Variants in WAC observed in about 807,000 individuals in gnomAD.
WAC encodes WW domain-containing adapter protein with coiled-coil.
A neutral mutation model predicts 79.6 loss-of-function variants in WAC; 11 were observed. The observed-to-expected ratio is 0.14, with a 90% CI of 0.09 to 0.23. WAC has a LOEUF of 0.23. Among genes scored for constraint, WAC ranks in the 10% least tolerant of loss-of-function variants. WAC has a pLI of 1.00. For synonymous variants in WAC, 304 were observed against 276.9 expected (o/e 1.10, Z -0.97); for missense variants, 728 against 773.5 (o/e 0.94, Z 0.70).
intron 7 of WAC, among the ~76,000 whole-genome samples, chr10:28,601,954 CG>C (rs1235108123): frequency 6.6e-6 from 1 of 152,000 alleles, no homozygotes; most frequent in African/African-American, 2.4e-5. Context: ...GTTCTGGAGA[CG>C]TATAGTGGTG....
chr10:28,596,086 A>C (rs570291496), intron 7 of WAC, 45 bp downstream of exon 7: 1 of 1,544,344 alleles, frequency 6.5e-7, no homozygotes, highest in Admixed American at 2.0e-5. Context: ...TATAGTTTCT[A>C]AGTTTCTTCT....
At chr10:28,583,555 A>T in intron 4 of WAC, 50 bp downstream of exon 4, 1 of 1,183,564 alleles carries the variant, frequency 8.4e-7, no homozygotes, top group Non-Finnish European at 1.2e-6. Flanking sequence ...TTTTTTGCAA[A>T]AAAAAAAAAA....
intron 7 of WAC, among the ~76,000 whole-genome samples, chr10:28,606,387 T>C (rs977563849): frequency 6.6e-6 from 1 of 152,228 alleles, no homozygotes; most frequent in South Asian, 2.1e-4. Context: ...TGAGTTTCTT[T>C]ATGCTTGTCT....
chr10:28,608,097 G>A, intron 7 of WAC, 89 bp from the exon 8 acceptor site: 1 of 1,469,856 alleles, frequency 6.8e-7, no homozygotes, highest in South Asian at 1.2e-5. Flanking sequence ...CTTACGTTAG[G>A]TGCCTGGCAC....
At chr10:28,607,839 C>T (rs1841034573) in intron 7 of WAC, among the ~76,000 whole-genome samples, 1 of 152,166 alleles carries the variant, frequency 6.6e-6, no homozygotes, top group African/African-American at 2.4e-5. Context: ...CTAATGGAAG[C>T]TTATTTGAAT....
intron 7 of WAC, among the ~76,000 whole-genome samples, chr10:28,600,371 C>G (rs917505440): frequency 2.0e-5 from 3 of 152,008 alleles, no homozygotes; most frequent in Non-Finnish European, 4.4e-5. Context: ...TCAAAAACTT[C>G]AGTATGTGTT....
rs1841460217 is a variant in WAC at position 28,616,213 on chromosome 10, A to G, written c.1597A>G (p.Asn533Asp). Residue 533 changes from asparagine to aspartate, a missense_variant, in exon 12 of 14, where the codon AAT (asparagine) becomes GAT (aspartate). By Grantham distance (23) the Asn-to-Asp change is conservative. Coordinates refer to ENST00000354911, the MANE Select transcript of WAC (RefSeq NM_016628.5). ...SPSPGPNHTS[N>D]SSNASNATVV... ...ATCACCTGGTCCCAATCATACTTCT[A>G]ATAGTAGTAATGCATCAAATGCAAC... 1.2e-6 allele frequency: 2 copies of G among 1,612,446 alleles called. No homozygotes were observed. Among genetic ancestry groups the G allele is most frequent in the Non-Finnish European group, 8.5e-7 (1 of 1,179,176 alleles).
intron 3 of WAC, among the ~76,000 whole-genome samples, chr10:28,559,164 G>GTGTGTGTT (rs1838168321): frequency 6.7e-6 from 1 of 149,588 alleles, no homozygotes; most frequent in Non-Finnish European, 1.5e-5. Context: ...GTGTGTGTGT[G>GTGTGTGTT]TAAGTCTGAT....
chr10:28,622,554 C>T lies in WAC; in HGVS notation c.*2948C>T, dbSNP rs1048835032. 1 of 151,752 alleles carries T rather than the reference C, an allele frequency of 6.6e-6. No individual in the cohort carries two copies. The highest frequency in any genetic ancestry group is 1.5e-5 in the Non-Finnish European group (1 of 67,950). The allele number at this position is 151,752 out of a possible 1,614,324, so 9.4% of individuals were successfully genotyped here. A position where few individuals can be genotyped will look rare whatever the true frequency, so the allele number is the denominator to read the frequency against. ...CTCCCCTGAAGAACCAGCTTTCCTA[C>T]GCTTTTTATTTTTCTAACTTGTCTA... is the stretch of plus-strand genomic sequence containing the variant. On this transcript the variant is annotated 3_prime_UTR_variant, in exon 14 of 14. Transcript: ENST00000354911.
chr10:28,613,673 G>T (rs551735662), intron 10 of WAC, among the ~76,000 whole-genome samples: 1 of 152,258 alleles, frequency 6.6e-6, no homozygotes, highest in East Asian at 1.9e-4. Context: ...AGTTAAGCAG[G>T]ACATTCCAGA....
intron 4 of WAC, among the ~76,000 whole-genome samples, chr10:28,588,452 G>A (rs577396304): frequency 6.6e-6 from 1 of 152,200 alleles, no homozygotes; most frequent in South Asian, 2.1e-4. Context: ...TTCCAGACTC[G>A]GTGTTAATTT....
chr10:28,581,471 G>C (rs980470048), intron 3 of WAC, among the ~76,000 whole-genome samples: 1 of 152,020 alleles, frequency 6.6e-6, no homozygotes, highest in Non-Finnish European at 1.5e-5. Context: ...TCAAGGGCCA[G>C]CTGTGCCAGA....
chr10:28,577,868 C>T (rs1839325406), intron 3 of WAC, among the ~76,000 whole-genome samples: 1 of 152,146 alleles, frequency 6.6e-6, no homozygotes, highest in African/African-American at 2.4e-5. Context: ...ATTAAAAATT[C>T]AGGTATTAAG....
At chr10:28,602,181 G>A (rs1288555207) in intron 7 of WAC, among the ~76,000 whole-genome samples, 7 of 152,190 alleles carry the variant, frequency 4.6e-5, no homozygotes, top group African/African-American at 1.4e-4. Flanking sequence ...CAGTATGTGG[G>A]AGTGTGTAAG....
intron 7 of WAC, among the ~76,000 whole-genome samples, chr10:28,606,664 A>C (rs1361231103): frequency 1.3e-5 from 2 of 152,196 alleles, no homozygotes; most frequent in African/African-American, 4.8e-5. Context: ...AGTACTGTAT[A>C]TATGATCTTG....
At chr10:28,536,668 A>G (rs890747975) in intron 3 of WAC, among the ~76,000 whole-genome samples, 16 of 152,184 alleles carry the variant, frequency 1.1e-4, no homozygotes, top group Admixed American at 3.3e-4. Context: ...TGTACCTTCA[A>G]TTATAAGTTT....
At chr10:28,607,401 A>G (rs1841012129) in intron 7 of WAC, among the ~76,000 whole-genome samples, 1 of 152,172 alleles carries the variant, frequency 6.6e-6, no homozygotes, top group African/African-American at 2.4e-5. Flanking sequence ...GTCAAATAGT[A>G]TTAACAGTGC....
At chr10:28,544,925 C>T (rs540032135) in intron 3 of WAC, among the ~76,000 whole-genome samples, 39 of 151,324 alleles carry the variant, frequency 2.6e-4, no homozygotes, top group Admixed American at 7.9e-4. Context: ...TTAGCTGGGG[C>T]GTGGTGGTGC....
intron 3 of WAC, among the ~76,000 whole-genome samples, chr10:28,543,370 C>T (rs1837168438): frequency 6.6e-6 from 1 of 152,130 alleles, no homozygotes; most frequent in Non-Finnish European, 1.5e-5. Flanking sequence ...GTAATTGATA[C>T]CTTAAAAACT....
Sources: allele counts gnomAD v4.1 joint callset (sites outside exome capture counted in the v4.1 genomes callset), GRCh38; gene constraint gnomAD v4.1.1; transcripts MANE v1.5; gene names NCBI Gene and HGNC (gene_info 2026-07-23, HGNC 2026-07-21).